EML6: variants seen among roughly 807,000 people sequenced by gnomAD.
The protein encoded by EML6 is EMAP like 6.
EML6 carries 154 observed loss-of-function variants against 240.1 expected under a neutral mutation model. That is an observed-to-expected ratio of 0.64 (90% CI 0.56 to 0.73). The LOEUF (loss-of-function observed/expected upper bound fraction) is 0.73, where lower values mean the gene tolerates loss of function less well. Ranked by LOEUF, EML6 falls within the 30% of genes least tolerant of loss-of-function variation. EML6 has a pLI of 0.00. For missense variants in EML6, 2,964 were observed against 2,474.6 expected (o/e 1.20, Z -4.20); for synonymous variants, 1,148 against 899.0 (o/e 1.28, Z -4.95).
intron 11 of EML6, 107 bp from the exon 12 acceptor site, chr2:54,859,427 G>A (rs1483780001): frequency 1.7e-5 from 14 of 826,966 alleles, no homozygotes; most frequent in Non-Finnish European, 2.7e-5. Context: ...ATCGTTTTCA[G>A]ATATATTTAA....
At chr2:54,738,632 C>G (rs1310322992) in intron 2 of EML6, among the ~76,000 whole-genome samples, 1 of 152,170 alleles carries the variant, frequency 6.6e-6, no homozygotes, top group African/African-American at 2.4e-5. Flanking sequence ...CTTAGTTTTG[C>G]TTAAGGTACT....
chr2:54,743,048 G>A (rs1683725255), intron 2 of EML6, among the ~76,000 whole-genome samples: 3 of 152,194 alleles, frequency 2.0e-5, no homozygotes, highest in Non-Finnish European at 4.4e-5. Context: ...TAAAGTAAAT[G>A]GGAGCTATCT....
intron 20 of EML6, 85 bp from the exon 21 acceptor site, chr2:54,895,188 A>G: frequency 7.0e-7 from 1 of 1,436,138 alleles, no homozygotes; most frequent in South Asian, 1.3e-5. Flanking sequence ...CCTAGTACCT[A>G]GTTCTTTGGA....
chr2:54,844,332 T>C, intron 8 of EML6, 84 bp downstream of exon 8: 1 of 1,068,402 alleles, frequency 9.4e-7, no homozygotes, highest in Non-Finnish European at 1.4e-6. Context: ...AAGGATAAAG[T>C]GCAGAACAGA....
At chr2:54,755,870 G>C (rs1667697380) in intron 2 of EML6, among the ~76,000 whole-genome samples, 3 of 151,942 alleles carry the variant, frequency 2.0e-5, no homozygotes, top group Admixed American at 6.6e-5. Context: ...ATGTTGCCCA[G>C]GGTGGTTCTG....
intron 11 of EML6, among the ~76,000 whole-genome samples, chr2:54,854,554 C>G (rs1010786971): frequency 6.6e-6 from 1 of 152,190 alleles, no homozygotes; most frequent in African/African-American, 2.4e-5. Flanking sequence ...GCCTGAAAAT[C>G]CGATCTTAGA....
chr2:54,856,994 A>G lies in EML6; in HGVS notation c.1658-2540A>G, dbSNP rs200821389. 2.6e-5 allele frequency among the ~76,000 whole-genome samples: 4 copies of G among 152,212 alleles called. No homozygotes were observed. In the East Asian group the frequency reaches 5.8e-4, roughly 22 times the overall value. On this transcript the variant is annotated intron_variant, in intron 11 of 41. Coordinates refer to ENST00000356458, the MANE Select transcript of EML6 (RefSeq NM_001039753.4). The stretch of plus-strand genomic sequence containing the variant: ...CAAGGCAGAGCTGAGGGTCTTACAG[A>G]TGGACTGGATATGAGAATAGAGGAA...
intron 8 of EML6, among the ~76,000 whole-genome samples, chr2:54,846,308 G>C (rs1390867305): frequency 6.6e-6 from 1 of 151,980 alleles, no homozygotes; most frequent in Non-Finnish European, 1.5e-5. Flanking sequence ...ATCTGTGTGT[G>C]CTGAAATAAC....
At chr2:54,850,712 G>A (rs1670031331) in intron 10 of EML6, among the ~76,000 whole-genome samples, 1 of 152,336 alleles carries the variant, frequency 6.6e-6, no homozygotes, top group East Asian at 1.9e-4. Context: ...ATGGCGAGAA[G>A]AGGGGAAATG....
intron 2 of EML6, among the ~76,000 whole-genome samples, chr2:54,765,848 A>C (rs762708508): frequency 6.6e-6 from 1 of 152,166 alleles, no homozygotes; most frequent in Non-Finnish European, 1.5e-5. Flanking sequence ...TCTACATACA[A>C]TCTACTTTCT....
chr2:54,808,950 C>T (rs577715873), intron 2 of EML6, among the ~76,000 whole-genome samples: 1 of 152,124 alleles, frequency 6.6e-6, no homozygotes, highest in Non-Finnish European at 1.5e-5. Context: ...TGGGATTTCC[C>T]AACAGAACTA....
At position 54,758,750 on chromosome 2, in the gene EML6, A is replaced by G. The variant is rs191889743; in HGVS notation, c.197+33492A>G. On this transcript the variant is annotated intron_variant, in intron 2 of 41. Coordinates refer to ENST00000356458, the MANE Select transcript of EML6 (RefSeq NM_001039753.4). ...CCAGGTGTCAGTAAATATTTTATAA[A>G]AGAATATGATGCTATATCTTGTTTT... 1.1e-3 allele frequency among the ~76,000 whole-genome samples: 172 copies of G among 152,306 alleles called. 1 individual carries two copies. Among genetic ancestry groups the G allele is most frequent in the African/African-American group, 3.9e-3 (162 of 41,566 alleles).
At chr2:54,937,543 A>C (rs1350995521) in intron 28 of EML6, among the ~76,000 whole-genome samples, 1 of 133,828 alleles carries the variant, frequency 7.5e-6, no homozygotes, top group Non-Finnish European at 1.6e-5. Context: ...ATAGAGCAAG[A>C]CTCTGTCTTT....
intron 24 of EML6, among the ~76,000 whole-genome samples, chr2:54,906,427 G>A (rs7355716): frequency 0.33 from 50,070 of 151,942 alleles, 8,669 homozygotes; most frequent in South Asian, 0.51. Flanking sequence ...AAAGTCCCTC[G>A]ATATGGAGCC....
rs72910830 is a variant in EML6 at position 54,954,034 on chromosome 2, C to G, written c.4364C>G (p.Ser1455Cys). 1.1e-3 allele frequency: 1,664 copies of G among 1,552,042 alleles called. 17 individuals carry two copies. In the African/African-American group the frequency reaches 0.02, roughly 19 times the overall value. ...GACGCCATGACCAAACACACCCTCTCCATGCTGCGGTGCTTCCACTCCAAG... is the reference window on the plus strand; with the variant it reads ...GACGCCATGACCAAACACACCCTCTGCATGCTGCGGTGCTTCCACTCCAAG... ...IWDAMTKHTL[S>C]MLRCFHSKGV... The change falls in exon 32 of 42, where the codon TCC becomes TGC. Residue 1455 changes from serine (S) to cysteine (C), a missense_variant. Ser to Cys is a moderately radical substitution (Grantham distance 112). Transcript: ENST00000356458.
intron 10 of EML6, 126 bp from the exon 11 acceptor site, chr2:54,853,517 A>C (rs1304303194): frequency 1.5e-6 from 1 of 656,530 alleles, no homozygotes; most frequent in Non-Finnish European, 2.4e-6. Flanking sequence ...CGCAAATGGG[A>C]TAAAGAGATT....
intron 14 of EML6, chr2:54,867,668 T>A (rs1279331625): frequency 6.6e-6 from 1 of 152,280 alleles, no homozygotes; most frequent in Non-Finnish European, 1.5e-5. Flanking sequence ...GGGAATCACC[T>A]GAGTTGGGGA....
At chr2:54,861,442 G>A (rs1670666510) in intron 12 of EML6, among the ~76,000 whole-genome samples, 1 of 152,198 alleles carries the variant, frequency 6.6e-6, no homozygotes, top group African/African-American at 2.4e-5. Context: ...ACAGGCATTT[G>A]TCACAGATTC....
At chr2:54,764,575 G>A (rs4671975) in intron 2 of EML6, among the ~76,000 whole-genome samples, 51,311 of 152,092 alleles carry the variant, frequency 0.34, 10,550 homozygotes, top group African/African-American at 0.57. Context: ...TAGTAATTCA[G>A]TGGCTAATGT....
Sources: allele counts gnomAD v4.1 joint callset (sites outside exome capture counted in the v4.1 genomes callset), GRCh38; gene constraint gnomAD v4.1.1; transcripts MANE v1.5; gene names NCBI Gene and HGNC (gene_info 2026-07-23, HGNC 2026-07-21).